KPLCE: variants seen among roughly 807,000 people sequenced by gnomAD.
KPLCE encodes KPRP N-terminal and LCE C-terminal like protein.
chr1:152,719,785 T>C, the KPLCE span: 10 of 1,548,938 alleles, frequency 6.5e-6, no homozygotes, highest in Non-Finnish European at 8.7e-6. Context: ...GCCAAACCTA[T>C]GTGAAGTGCC....
the KPLCE span, chr1:152,720,074 C>T: frequency 1.3e-5 from 20 of 1,551,726 alleles, no homozygotes; most frequent in Middle Eastern, 1.7e-4. Context: ...TCCCCTGAGA[C>T]GCTGGATTCA....
At chr1:152,719,925 A>G in the KPLCE span, 15 of 1,552,088 alleles carry the variant, frequency 9.7e-6, no homozygotes, top group Non-Finnish European at 1.3e-5. Context: ...TGCTATGTCC[A>G]GGGTGCTTCT....
chr1:152,720,235 T>C, the KPLCE span: 1 of 1,551,120 alleles, frequency 6.4e-7, no homozygotes, highest in South Asian at 1.2e-5. Context: ...GGTCCCGAGG[T>C]CCTGCATGCT....
the KPLCE span, chr1:152,720,291 C>G: frequency 6.6e-7 from 1 of 1,521,414 alleles, no homozygotes; most frequent in East Asian, 2.5e-5. Flanking sequence ...GACAGCTCAA[C>G]TCCAGAATGC....
chr1:152,719,753 T>G, the KPLCE span: 16 of 1,551,752 alleles, frequency 1.0e-5, no homozygotes, highest in Admixed American at 2.0e-4. Flanking sequence ...CCAGAGGACC[T>G]ATGTGAAATA....
chr1:152,719,641 A>T, the KPLCE span: 1 of 1,552,148 alleles, frequency 6.4e-7, no homozygotes, highest in African/African-American at 1.4e-5. Context: ...GCCAGACCCA[A>T]ACTGTCTGTG....
chr1:152,719,588 G>T, the KPLCE span: 1 of 1,551,816 alleles, frequency 6.4e-7, no homozygotes, highest in Non-Finnish European at 8.7e-7. Context: ...ACTAGGGGCT[G>T]GGCAGGGTAG....
At chr1:152,719,775 G>GC in the KPLCE span, 1 of 1,551,868 alleles carries the variant, frequency 6.4e-7, no homozygotes, top group Non-Finnish European at 8.7e-7. Context: ...CCAACACCCT[G>GC]CCAAACCTAT....
chr1:152,719,623 A>T, the KPLCE span: 1 of 1,552,008 alleles, frequency 6.4e-7, no homozygotes, highest in South Asian at 1.2e-5. Context: ...TGAAATGCCC[A>T]GTTCCATGCC....
chr1:152,719,755 T>A, the KPLCE span: 3 of 1,550,080 alleles, frequency 1.9e-6, no homozygotes, highest in Non-Finnish European at 1.7e-6. Flanking sequence ...AGAGGACCTA[T>A]GTGAAATACC....
At chr1:152,720,426 G>A in the KPLCE span, 6 of 651,584 alleles carry the variant, frequency 9.2e-6, no homozygotes, top group South Asian at 1.0e-4. Context: ...GCCTGCCAGA[G>A]TTAGTACAGT....
At chr1:152,720,059 G>T in the KPLCE span, 2 of 1,551,750 alleles carry the variant, frequency 1.3e-6, no homozygotes, top group Non-Finnish European at 8.7e-7. Flanking sequence ...GACCTTCGGG[G>T]TGAGTCCCCT....
the KPLCE span, chr1:152,720,086 C>T: frequency 2.6e-6 from 4 of 1,551,724 alleles, no homozygotes; most frequent in South Asian, 2.4e-5. Context: ...CTGGATTCAG[C>T]GGCCCCAGAA....
the KPLCE span, chr1:152,719,717 A>G: frequency 1.9e-6 from 3 of 1,552,048 alleles, no homozygotes; most frequent in Non-Finnish European, 2.6e-6. Context: ...CCAGACTCAA[A>G]CCTACGTGAA....
At chr1:152,720,233 G>C in the KPLCE span, 1 of 1,551,248 alleles carries the variant, frequency 6.4e-7, no homozygotes, top group South Asian at 1.2e-5. Context: ...GAGGTCCCGA[G>C]GTCCTGCATG....
chr1:152,719,882 A>G, the KPLCE span: 1 of 1,552,090 alleles, frequency 6.4e-7, no homozygotes, highest in Non-Finnish European at 8.7e-7. Context: ...GATGACCTAC[A>G]TCAAAAGTCC....
the KPLCE span, chr1:152,720,058 G>A: frequency 1.1e-5 from 17 of 1,551,726 alleles, no homozygotes; most frequent in South Asian, 1.8e-4. Flanking sequence ...GGACCTTCGG[G>A]GTGAGTCCCC....
At chr1:152,719,941 C>T in the KPLCE span, 7 of 1,551,988 alleles carry the variant, frequency 4.5e-6, no homozygotes, top group Non-Finnish European at 6.1e-6. Flanking sequence ...CTTCTCCTTG[C>T]CAGAGCTATT....
the KPLCE span, chr1:152,720,027 G>A: frequency 2.6e-6 from 4 of 1,551,752 alleles, no homozygotes; most frequent in Non-Finnish European, 3.5e-6. Flanking sequence ...TGTTCCACCA[G>A]CTACTGCTGT....
Sources: allele counts gnomAD v4.1 joint callset, GRCh38; gene constraint gnomAD v4.1.1; transcripts MANE v1.5; gene names NCBI Gene and HGNC (gene_info 2026-07-23, HGNC 2026-07-21).